Variants in NR1I2 observed in about 807,000 individuals in gnomAD.
NR1I2 encodes nuclear receptor subfamily 1 group I member 2.
A neutral mutation model predicts 43.3 loss-of-function variants in NR1I2; 42 were observed. The observed-to-expected ratio is 0.97, with a 90% confidence interval of 0.76 to 1.26. The LOEUF is 1.26. Among genes scored for constraint, NR1I2 ranks in the 50% most tolerant of loss-of-function variants. NR1I2 has a pLI of 0.00. For synonymous variants in NR1I2, 229 were observed against 215.0 expected (o/e 1.06, Z -0.57); for missense variants, 559 against 566.7 (o/e 0.99, Z 0.14).
At chr3:119,794,530 A>G (rs1212157362) in intron 1 of NR1I2, among the ~76,000 whole-genome samples, 1 of 142,624 alleles carries the variant, frequency 7.0e-6, no homozygotes, top group Non-Finnish European at 1.5e-5. Context: ...GTCTTGCTAT[A>G]TTGTCCAGGC....
At chr3:119,806,643 G>C (rs1226161538) in intron 1 of NR1I2, among the ~76,000 whole-genome samples, 1 of 152,060 alleles carries the variant, frequency 6.6e-6, no homozygotes, top group Non-Finnish European at 1.5e-5. Context: ...AGCTCTGCTG[G>C]GACCACAGGC....
Position 119,812,752 on chromosome 3 carries a change from G to A in NR1I2, c.586G>A (p.Ala196Thr). 6.2e-7 allele frequency: 1 copy of A among 1,614,232 alleles called. No individual in the cohort carries two copies. Among genetic ancestry groups the A allele is most frequent in the Non-Finnish European group, 8.5e-7 (1 of 1,180,048 alleles). Residue 196 changes from alanine to threonine, a missense_variant, in exon 5 of 9, where the codon GCT (alanine) becomes ACT (threonine). By Grantham distance (58) the Ala-to-Thr change is moderately conservative. Transcript: ENST00000393716. ...TCTGCAGGCCCCATCGAGGGAAGAAGCTGCCAAGTGGAGCCAGGTCCGGAA... is the reference window on the plus strand; with the variant it reads ...TCTGCAGGCCCCATCGAGGGAAGAAACTGCCAAGTGGAGCCAGGTCCGGAA...
At chr3:119,797,376 A>T (rs1421965002) in intron 1 of NR1I2, among the ~76,000 whole-genome samples, 1 of 152,080 alleles carries the variant, frequency 6.6e-6, no homozygotes, top group Non-Finnish European at 1.5e-5. Flanking sequence ...GCCAGGCAGG[A>T]GGTGTCATGG....
chr3:119,794,595 C>T (rs2054969342), intron 1 of NR1I2, among the ~76,000 whole-genome samples: 1 of 151,530 alleles, frequency 6.6e-6, no homozygotes, highest in Admixed American at 6.6e-5. Flanking sequence ...AAAGTGCTGA[C>T]ATTAGAGGCA....
In NR1I2 at chr3:119,814,989, A is replaced by G. The variant is rs777320630; in HGVS notation, c.805A>G (p.Ile269Val). The G allele has an allele frequency of 1.2e-6, 2 of 1,614,016 alleles. No homozygotes were observed. The highest frequency in any genetic ancestry group is 2.2e-5 in the South Asian group (2 of 91,080). ...CATCCTTGCTGCCAGGGACTTGCCCATCGAGGACCAGATCTCCCTGCTGAA... is the reference window on the plus strand; with the variant it reads ...CATCCTTGCTGCCAGGGACTTGCCCGTCGAGGACCAGATCTCCCTGCTGAA... Residue 269 changes from isoleucine to valine, a missense_variant, in exon 6 of 9, where the codon ATC becomes GTC. Coordinates refer to ENST00000393716, the MANE Select transcript of NR1I2 (RefSeq NM_003889.4).
chr3:119,784,244 T>A (rs973011312), intron 1 of NR1I2, among the ~76,000 whole-genome samples: 1 of 152,234 alleles, frequency 6.6e-6, no homozygotes, highest in African/African-American at 2.4e-5. Flanking sequence ...ATTTTATTAT[T>A]TTTTCCATTG....
chr3:119,812,049 C>G lies in NR1I2; in HGVS notation c.519+323C>G, dbSNP rs138533253. Among the ~76,000 whole-genome samples, 7 of 152,278 alleles carry G rather than the reference C, an allele frequency of 4.6e-5. No homozygotes were observed. The East Asian group carries it at 1.4e-3, about 29-fold the overall frequency. On this transcript the variant is annotated intron_variant, in intron 4 of 8. Transcript: ENST00000393716. ...CAGGTTCAGGTTTGAAAAATCACTG[C>G]TCTCTCCTTTAAGGCAGGTAGGAAC...
At chr3:119,785,350 TG>T (rs1231771336) in intron 1 of NR1I2, among the ~76,000 whole-genome samples, 2 of 152,240 alleles carry the variant, frequency 1.3e-5, no homozygotes, top group African/African-American at 4.8e-5. Flanking sequence ...GCCAGGAACC[TG>T]AGGACAGAAC....
chr3:119,809,243 T>A (rs373534531), intron 2 of NR1I2, among the ~76,000 whole-genome samples: 1 of 152,202 alleles, frequency 6.6e-6, no homozygotes, highest in African/African-American at 2.4e-5. Flanking sequence ...GCACTGACCG[T>A]GTCTTTTGTG....
At position 119,811,671 on chromosome 3, in the gene NR1I2, T is replaced by TG; in HGVS notation, c.466dup (p.Asp156GlyfsTer8). On this transcript the variant is annotated frameshift_variant, in exon 4 of 9. Coordinates refer to ENST00000393716, the MANE Select transcript of NR1I2 (RefSeq NM_003889.4). LOFTEE classifies it high-confidence loss of function. ...CAGCGGATGATGATCAGGGAGCTGA[T>TG]GGACGCTCAGATGAAAACCTTTGAC... The TG allele has an allele frequency of 3.7e-6, 6 of 1,613,888 alleles. No individual in the cohort carries two copies. The highest frequency in any genetic ancestry group is 5.1e-6 in the Non-Finnish European group (6 of 1,179,902).
intron 1 of NR1I2, among the ~76,000 whole-genome samples, chr3:119,795,734 A>G (rs1190975777): frequency 6.6e-6 from 1 of 152,226 alleles, no homozygotes; most frequent in Non-Finnish European, 1.5e-5. Flanking sequence ...TTCTCAAACT[A>G]TATCCCACCA....
At chr3:119,795,632 C>G (rs571668419) in intron 1 of NR1I2, among the ~76,000 whole-genome samples, 1 of 152,172 alleles carries the variant, frequency 6.6e-6, no homozygotes, top group Non-Finnish European at 1.5e-5. Flanking sequence ...GGGTTCTGTT[C>G]TTTTGCTTGA....
intron 1 of NR1I2, among the ~76,000 whole-genome samples, chr3:119,798,620 A>T (rs995536244): frequency 1.4e-4 from 20 of 143,252 alleles, no homozygotes; most frequent in Non-Finnish European, 2.6e-4. Flanking sequence ...AGCCTGGGCG[A>T]CAAAGAGAGA....
At chr3:119,800,260 C>G (rs776676121) in intron 1 of NR1I2, among the ~76,000 whole-genome samples, 1 of 152,112 alleles carries the variant, frequency 6.6e-6, no homozygotes, top group Non-Finnish European at 1.5e-5. Flanking sequence ...GCCTTTCCTC[C>G]ATTGAATTGC....
At chr3:119,802,960 G>A (rs968382088) in intron 1 of NR1I2, 3 of 456,678 alleles carry the variant, frequency 6.6e-6, no homozygotes, top group Non-Finnish European at 1.3e-5. Context: ...CAGTGTGATG[G>A]CTTTAGAAGA....
At chr3:119,807,814 T>G (rs545483092) in intron 2 of NR1I2, among the ~76,000 whole-genome samples, 1 of 151,736 alleles carries the variant, frequency 6.6e-6, no homozygotes, top group South Asian at 2.1e-4. Flanking sequence ...GCTTAGACCA[T>G]GGGAAGAGAA....
At chr3:119,786,144 C>T (rs1237145769) in intron 1 of NR1I2, among the ~76,000 whole-genome samples, 1 of 152,164 alleles carries the variant, frequency 6.6e-6, no homozygotes, top group Non-Finnish European at 1.5e-5. Context: ...GGAATGCAGA[C>T]CCATGATTTT....
At chr3:119,803,451 T>C (rs1479991616) in intron 1 of NR1I2, among the ~76,000 whole-genome samples, 1 of 151,882 alleles carries the variant, frequency 6.6e-6, no homozygotes, top group African/African-American at 2.4e-5. Context: ...GAAAGTGCCA[T>C]AGATGACAGG....
chr3:119,782,633 C>T (rs2054789479), intron 1 of NR1I2: 2 of 711,694 alleles, frequency 2.8e-6, no homozygotes, highest in Admixed American at 4.2e-5. Flanking sequence ...GTCCCTGGAC[C>T]CAGGAAATAC....
Sources: allele counts gnomAD v4.1 joint callset (sites outside exome capture counted in the v4.1 genomes callset), GRCh38; gene constraint gnomAD v4.1.1; transcripts MANE v1.5; gene names NCBI Gene and HGNC (gene_info 2026-07-23, HGNC 2026-07-21).